Variants in MYOF observed in about 807,000 individuals in gnomAD.
The protein encoded by MYOF is fer-1-like 3, myoferlin.
Under a neutral mutation model 284.2 loss-of-function variants are expected in MYOF, and 244 were observed. The ratio of observed to expected loss-of-function variants is 0.86; its 90% CI spans 0.77 to 0.95. MYOF has a LOEUF of 0.95. Among genes scored for constraint, MYOF ranks in the 40% least tolerant of loss-of-function variants. The pLI, the probability that MYOF is intolerant of heterozygous loss-of-function variation, is 0.00. For missense variants in MYOF, 2,496 were observed against 2,560.6 expected (o/e 0.97, Z 0.54); for synonymous variants, 904 against 919.7 (o/e 0.98, Z 0.31).
At chr10:93,357,851 T>C (rs1337862459) in intron 29 of MYOF, among the ~76,000 whole-genome samples, 6 of 152,206 alleles carry the variant, frequency 3.9e-5, no homozygotes, top group African/African-American at 2.4e-5. Context: ...GATGGCTCAG[T>C]GTTCTTCCCG....
intron 51 of MYOF, among the ~76,000 whole-genome samples, chr10:93,311,186 T>C (rs542033474): frequency 1.3e-4 from 20 of 152,150 alleles, no homozygotes; most frequent in Admixed American, 4.6e-4. Context: ...CTGAGTGATG[T>C]TCCCAGCACC....
Position 93,310,663 on chromosome 10 carries a change from G to A in MYOF, c.5890-20C>T. 1.2e-6 allele frequency: 2 copies of A among 1,606,378 alleles called. No individual in the cohort carries two copies. The highest frequency in any genetic ancestry group is 1.7e-6 in the Non-Finnish European group (2 of 1,173,462). ...TTTCCCCTTCAGTAAAGCAGAGCAGGTTAAACATATGACATCATGTTTCAC... is the reference window on the plus strand; with the variant it reads ...TTTCCCCTTCAGTAAAGCAGAGCAGATTAAACATATGACATCATGTTTCAC... On this transcript the variant is annotated intron_variant, in intron 51 of 53. Coordinates refer to ENST00000359263, the MANE Select transcript of MYOF (RefSeq NM_013451.4).
In MYOF at chr10:93,374,876, G is replaced by C. The variant is rs185991858; in HGVS notation, c.2188C>G (p.Leu730Val). Residue 730 changes from leucine to valine, a missense_variant, in exon 23 of 54, where the codon CTC (leucine) becomes GTC (valine). Leu to Val is a conservative substitution (Grantham distance 32). Transcript: ENST00000359263. The part of the protein sequence containing the change: ...TQIRKLRSRS[L>V]SQIHEAAVRM... ...ACAGCCGCCTCATGTATTTGGGAGA[G>C]AGACCTGGACCGCAGCTTTCGGATC... 4 of 1,614,174 alleles carry C rather than the reference G, an allele frequency of 2.5e-6. No homozygotes were observed. Among genetic ancestry groups the C allele is most frequent in the African/African-American group, 2.7e-5 (2 of 75,062 alleles).
chr10:93,426,416 CAGAGT>C (rs1216925304), intron 4 of MYOF, among the ~76,000 whole-genome samples: 4 of 152,164 alleles, frequency 2.6e-5, no homozygotes, highest in African/African-American at 9.7e-5. Flanking sequence ...ACCTCATCAA[CAGAGT>C]AAAGTTGTGA....
At chr10:93,334,211 C>T (rs1014227901) in intron 41 of MYOF, among the ~76,000 whole-genome samples, 3 of 152,150 alleles carry the variant, frequency 2.0e-5, no homozygotes, top group African/African-American at 7.2e-5. Context: ...AAATACTGCA[C>T]ATTCTTTGAA....
chr10:93,455,354 T>G (rs1474903376), intron 2 of MYOF, among the ~76,000 whole-genome samples: 1 of 151,848 alleles, frequency 6.6e-6, no homozygotes, highest in Non-Finnish European at 1.5e-5. Flanking sequence ...ATTAAAAAGT[T>G]TTTTGTTTCA....
intron 19 of MYOF, among the ~76,000 whole-genome samples, chr10:93,384,403 G>A (rs1846262072): frequency 6.6e-6 from 1 of 152,200 alleles, no homozygotes; most frequent in South Asian, 2.1e-4. Context: ...ACTTTGGGAG[G>A]CCGAGGCTGG....
chr10:93,396,092 G>A (rs761079538), intron 16 of MYOF, 50 bp downstream of exon 16: 2 of 1,432,280 alleles, frequency 1.4e-6, no homozygotes, highest in East Asian at 4.7e-5. Flanking sequence ...TTCTCAGACT[G>A]GAGAAAAGTT....
chr10:93,438,127 TGTTAGGTTGG>T (rs2134245753), intron 3 of MYOF, among the ~76,000 whole-genome samples: 1 of 152,270 alleles, frequency 6.6e-6, no homozygotes, highest in African/African-American at 2.4e-5. Context: ...GCAAGAATCC[TGTTAGGTTGG>T]GTTAGCCAGA....
chr10:93,425,654 C>T (rs757120861), intron 5 of MYOF: 3 of 181,160 alleles, frequency 1.7e-5, no homozygotes, highest in African/African-American at 7.1e-5. Flanking sequence ...GCCCATGAGA[C>T]TGGTGCTGAG....
Position 93,401,407 on chromosome 10 carries a change from T to C in MYOF, c.1117+11A>G, listed in dbSNP as rs748334609. On this transcript the variant is annotated intron_variant, in intron 12 of 53. Transcript: ENST00000359263. The stretch of plus-strand genomic sequence containing the variant: ...TCAACAATTCTGGGGCAAGATTAAA[T>C]CAGTACATACTCTGGGGGATGTCCT... 4.2e-5 allele frequency: 68 copies of C among 1,612,498 alleles called. No individual in the cohort carries two copies. Among genetic ancestry groups the C allele is most frequent in the Non-Finnish European group, 4.9e-5 (58 of 1,179,606 alleles).
At chr10:93,386,617 T>C (rs972065588) in intron 19 of MYOF, among the ~76,000 whole-genome samples, 6 of 152,158 alleles carry the variant, frequency 3.9e-5, no homozygotes, top group African/African-American at 1.2e-4. Flanking sequence ...ATGAAATTGG[T>C]GCAGCTCAAG....
rs1422674875 is a variant in MYOF, at chr10:93,310,183, A to G, written c.6000-16T>C. The G allele has an allele frequency of 6.2e-7, 1 of 1,613,284 alleles. No homozygotes were observed. Among genetic ancestry groups the G allele is most frequent in the African/African-American group, 1.3e-5 (1 of 74,934 alleles). On this transcript the variant is annotated splice_polypyrimidine_tract_variant and intron_variant, in intron 52 of 53. Coordinates refer to ENST00000359263, the MANE Select transcript of MYOF (RefSeq NM_013451.4). Reference sequence around the variant, plus strand: ...TTCTGGTCGACTGCATTGCAAAGAAACAGTATCACCTACCCAACTCAGGAG... The same window carrying G: ...TTCTGGTCGACTGCATTGCAAAGAAGCAGTATCACCTACCCAACTCAGGAG...
chr10:93,349,987 A>T lies in MYOF; in HGVS notation c.3922-18T>A. ...GCTAGAATCTATGAAAACGATTTAA[A>T]GAGAGGGGAAGGTAACTCAGCACTT... On this transcript the variant is annotated intron_variant, in intron 35 of 53. Transcript: ENST00000359263. The T allele has an allele frequency of 6.2e-7, 1 of 1,610,276 alleles. No individual in the cohort carries two copies. Among genetic ancestry groups the T allele is most frequent in the South Asian group, 1.1e-5 (1 of 90,448 alleles).
chr10:93,310,328 G>A (rs1842324848), intron 52 of MYOF, among the ~76,000 whole-genome samples, 161 bp from the exon 53 acceptor site: 1 of 152,186 alleles, frequency 6.6e-6, no homozygotes, highest in Non-Finnish European at 1.5e-5. Context: ...ACCTACGACA[G>A]CTTCCTAAGA....
chr10:93,369,507 T>G (rs1477761334), intron 25 of MYOF, 138 bp downstream of exon 25: 1 of 1,224,452 alleles, frequency 8.2e-7, no homozygotes, highest in Non-Finnish European at 1.1e-6. Context: ...TAGGTTAAGA[T>G]CCCTTCGATG....
intron 20 of MYOF, 121 bp from the exon 21 acceptor site, chr10:93,380,108 G>C: frequency 8.1e-7 from 1 of 1,237,304 alleles, no homozygotes; most frequent in Non-Finnish European, 1.1e-6. Flanking sequence ...AGCTTGAGGT[G>C]GTCTGGTTCT....
chr10:93,457,805 C>T (rs1442992902), intron 1 of MYOF, among the ~76,000 whole-genome samples: 3 of 150,596 alleles, frequency 2.0e-5, no homozygotes, highest in Non-Finnish European at 2.9e-5. Context: ...ACTATTTCGG[C>T]TCACTGCAAC....
At chr10:93,341,232 C>T (rs1256358254) in intron 38 of MYOF, among the ~76,000 whole-genome samples, 1 of 151,748 alleles carries the variant, frequency 6.6e-6, no homozygotes, top group East Asian at 1.9e-4. Context: ...TCTGTTTGTT[C>T]ACAATTCAAA....
Sources: allele counts gnomAD v4.1 joint callset (sites outside exome capture counted in the v4.1 genomes callset), GRCh38; gene constraint gnomAD v4.1.1; transcripts MANE v1.5; gene names NCBI Gene and HGNC (gene_info 2026-07-23, HGNC 2026-07-21).